LARGE1: variants seen among roughly 807,000 people sequenced by gnomAD.
LARGE1 encodes LARGE xylosyl- and glucuronyltransferase 1.
In LARGE1, 43 loss-of-function variants were observed where a neutral mutation model predicts 87.6. The ratio of observed to expected loss-of-function variants is 0.49; its 90% CI spans 0.38 to 0.63. The LOEUF (loss-of-function observed/expected upper bound fraction) is 0.63. Among genes scored for constraint, LARGE1 ranks in the 30% least tolerant of loss-of-function variants. The probability of loss-of-function intolerance (pLI) is 0.00; values close to 1 mark genes in which losing one functional copy is unlikely to be tolerated. For missense variants in LARGE1, 802 were observed against 1,000.2 expected (o/e 0.80, Z 2.67); for synonymous variants, 434 against 394.6 (o/e 1.10, Z -1.18).
chr22:33,473,742 C>T (rs1286320599), intron 6 of LARGE1, among the ~76,000 whole-genome samples: 3 of 152,164 alleles, frequency 2.0e-5, no homozygotes, highest in Non-Finnish European at 2.9e-5. Flanking sequence ...CCGAGCCCAG[C>T]ACTTTTTCAT....
intron 1 of LARGE1, among the ~76,000 whole-genome samples, chr22:33,778,467 C>T (rs1350043077): frequency 6.6e-6 from 1 of 152,176 alleles, no homozygotes; most frequent in Non-Finnish European, 1.5e-5. Flanking sequence ...GAAAACCAGT[C>T]ACCTCCCATT....
At chr22:33,420,187 C>A (rs2066642684) in intron 7 of LARGE1, among the ~76,000 whole-genome samples, 2 of 152,166 alleles carry the variant, frequency 1.3e-5, no homozygotes, top group African/African-American at 4.8e-5. Context: ...CTTCGAAACA[C>A]TTATCTTCCA....
At chr22:33,594,103 T>G (rs1445689136) in intron 5 of LARGE1, among the ~76,000 whole-genome samples, 1 of 152,240 alleles carries the variant, frequency 6.6e-6, no homozygotes, top group Non-Finnish European at 1.5e-5. Flanking sequence ...GGATTGTGTT[T>G]TAATCCTTGC....
At chr22:33,648,795 A>G (rs1052598425) in intron 3 of LARGE1, among the ~76,000 whole-genome samples, 1 of 152,210 alleles carries the variant, frequency 6.6e-6, no homozygotes, top group African/African-American at 2.4e-5. Context: ...GTATTTATTT[A>G]TTTGTTTATC....
the LARGE1 span, among the ~76,000 whole-genome samples, chr22:33,099,906 C>T: frequency 1.3e-5 from 2 of 152,186 alleles, no homozygotes; most frequent in East Asian, 3.8e-4. Context: ...ATTTCCATAA[C>T]AGCTGTTTCA....
intron 1 of LARGE1, among the ~76,000 whole-genome samples, chr22:33,880,661 T>G (rs2064650981): frequency 6.6e-6 from 1 of 152,152 alleles, no homozygotes; most frequent in Non-Finnish European, 1.5e-5. Context: ...CTGGGAAAGC[T>G]TTGCTAAACC....
intron 1 of LARGE1, among the ~76,000 whole-genome samples, chr22:33,878,674 T>A (rs1247404019): frequency 6.6e-6 from 1 of 152,174 alleles, no homozygotes; most frequent in Non-Finnish European, 1.5e-5. Context: ...AACTCAATGC[T>A]GAACTCAGCT....
the LARGE1 span, among the ~76,000 whole-genome samples, chr22:33,113,205 CTT>C: frequency 0.29 from 36,358 of 126,752 alleles, 4,437 homozygotes; most frequent in Non-Finnish European, 0.32. Flanking sequence ...ACTTAATTAT[CTT>C]TTTTTTTTTT....
At chr22:33,410,308 A>C (rs1182391800) in intron 7 of LARGE1, among the ~76,000 whole-genome samples, 4 of 152,066 alleles carry the variant, frequency 2.6e-5, no homozygotes, top group Non-Finnish European at 2.9e-5. Context: ...CCCCAGAGCT[A>C]AGTAACTGCT....
At chr22:33,208,253 C>T (rs780969462) in intron 11 of LARGE1, among the ~76,000 whole-genome samples, 4 of 152,134 alleles carry the variant, frequency 2.6e-5, no homozygotes, top group East Asian at 1.9e-4. Flanking sequence ...CTATGAAAAT[C>T]GTATAGGCCA....
chr22:33,397,176 C>T (rs2065776498), intron 7 of LARGE1, among the ~76,000 whole-genome samples: 1 of 152,020 alleles, frequency 6.6e-6, no homozygotes, highest in Admixed American at 6.6e-5. Flanking sequence ...AGTACAATGG[C>T]TCGATCTCTT....
At chr22:33,090,634 T>C in the LARGE1 span, among the ~76,000 whole-genome samples, 1 of 152,234 alleles carries the variant, frequency 6.6e-6, no homozygotes, top group Admixed American at 6.5e-5. Context: ...TGTAGGGCTT[T>C]GTAGGACATT....
intron 1 of LARGE1, among the ~76,000 whole-genome samples, chr22:33,889,801 T>C (rs1181056804): frequency 6.6e-6 from 1 of 152,214 alleles, no homozygotes; most frequent in Non-Finnish European, 1.5e-5. Flanking sequence ...AATGTATTCA[T>C]TCATTCATAA....
chr22:33,259,168 A>G (rs142593639), intron 11 of LARGE1, among the ~76,000 whole-genome samples: 63 of 152,260 alleles, frequency 4.1e-4, no homozygotes, highest in African/African-American at 1.3e-3. Flanking sequence ...ATGAGCCACT[A>G]CACCCGGCCA....
At chr22:33,259,379 TACAC>T (rs377444457) in intron 11 of LARGE1, among the ~76,000 whole-genome samples, 14 of 150,314 alleles carry the variant, frequency 9.3e-5, no homozygotes, top group Non-Finnish European at 1.5e-4. Context: ...CACACACACA[TACAC>T]ACACAGACAC....
rs891392926 is a variant in LARGE1 at position 33,226,707 on chromosome 22, A to AATT, written c.1731-59878_1731-59876dup. Among the ~76,000 whole-genome samples, 127 of 149,844 alleles carry AATT rather than the reference A, an allele frequency of 8.5e-4. 3 individuals carry two copies. The South Asian group carries it at 0.023, about 27-fold the overall frequency. ...CCACCTATGATGAAGATAACCTTTA[A>AATT]ATTATTATTATTATTATTATTTATT... is the stretch of plus-strand genomic sequence containing the variant. On this transcript the variant is annotated intron_variant, in intron 11 of 11. Coordinates refer to the LARGE1 transcript ENST00000608642.
intron 6 of LARGE1, among the ~76,000 whole-genome samples, chr22:33,494,118 A>G (rs1409560387): frequency 6.6e-6 from 1 of 152,258 alleles, no homozygotes; most frequent in African/African-American, 2.4e-5. Context: ...ACTAATTTAT[A>G]GACAGCATTG....
chr22:33,109,634 G>C, the LARGE1 span, among the ~76,000 whole-genome samples: 2 of 152,194 alleles, frequency 1.3e-5, no homozygotes. Flanking sequence ...TATGGATATA[G>C]TTTCAATGTT....
chr22:33,913,485 T>C (rs1185478791), intron 1 of LARGE1, among the ~76,000 whole-genome samples: 2 of 152,220 alleles, frequency 1.3e-5, no homozygotes, highest in African/African-American at 4.8e-5. Context: ...AATATTAGGC[T>C]CCTAGCGGGT....
Sources: allele counts gnomAD v4.1 joint callset (sites outside exome capture counted in the v4.1 genomes callset), GRCh38; gene constraint gnomAD v4.1.1; transcripts MANE v1.5; gene names NCBI Gene and HGNC (gene_info 2026-07-23, HGNC 2026-07-21).